The following DNAJC5 variants were observed in gnomAD, a reference collection of about 807,000 sequenced individuals.
The protein encoded by DNAJC5 is DnaJ heat shock protein family (Hsp40) member C5.
In DNAJC5, 1 loss-of-function variant was observed where a neutral mutation model predicts 23.2. That is an observed-to-expected ratio of 0.04 (90% CI 0.02 to 0.20). The LOEUF is 0.20. Ranked by LOEUF, DNAJC5 falls within the 10% of genes least tolerant of loss-of-function variation. The pLI is 1.00. For synonymous variants in DNAJC5, 136 were observed against 120.0 expected (o/e 1.13, Z -0.87); for missense variants, 180 against 267.0 (o/e 0.67, Z 2.27).
rs1349599424 is a variant in DNAJC5 at position 63,920,174 on chromosome 20, G to C, written c.-11-8161G>C. On this transcript the variant is annotated intron_variant, in intron 1 of 4. Transcript: ENST00000360864. The surrounding 1 kb of genome is among the most constrained non-coding windows in gnomAD (Gnocchi z 4.6). ...GCCACGGAAGAGGACGCACCCGGCT[G>C]TGTGGCAGGGGAGGTTCCCAAGAGC... Among the ~76,000 whole-genome samples the C allele has an allele frequency of 6.6e-6, 1 of 152,244 alleles. No individual in the cohort carries two copies. The highest frequency in any genetic ancestry group is 1.5e-5 in the Non-Finnish European group (1 of 68,038).
At position 63,933,470 on chromosome 20, in the gene DNAJC5, A is replaced by G. The variant is rs2053691540; in HGVS notation, c.*1902A>G. 6.6e-6 allele frequency: 1 copy of G among 152,348 alleles called. No individual in the cohort carries two copies. The highest frequency in any genetic ancestry group is 2.4e-5 in the African/African-American group (1 of 41,452). 9.4% of individuals were successfully genotyped at this position (152,348 alleles called of 1,614,324 possible). A position where few individuals can be genotyped will look rare whatever the true frequency, so the allele number is the denominator to read the frequency against. ...CTTTTCTTTGTTTCTTCTCACTAAAATGATCACGAAGACCTTTGACAAGAG... is the reference window on the plus strand; with the variant it reads ...CTTTTCTTTGTTTCTTCTCACTAAAGTGATCACGAAGACCTTTGACAAGAG... On this transcript the variant is annotated 3_prime_UTR_variant, in exon 5 of 5. Coordinates refer to ENST00000360864, the MANE Select transcript of DNAJC5 (RefSeq NM_025219.3).
intron 1 of DNAJC5, among the ~76,000 whole-genome samples, chr20:63,907,174 T>C (rs2053453446): frequency 6.6e-6 from 1 of 152,074 alleles, no homozygotes; most frequent in Non-Finnish European, 1.5e-5. Context: ...AATAAGTTAT[T>C]TGTGATCAGG....
At chr20:63,910,460 G>C (rs2053475314) in intron 1 of DNAJC5, among the ~76,000 whole-genome samples, 2 of 151,372 alleles carry the variant, frequency 1.3e-5, no homozygotes. Context: ...GGAGAATGGC[G>C]TGAACCTGGG....
chr20:63,912,120 T>C (rs2053486172), intron 1 of DNAJC5, among the ~76,000 whole-genome samples: 2 of 152,076 alleles, frequency 1.3e-5, no homozygotes, highest in Non-Finnish European at 2.9e-5. Context: ...CTGGCCAATA[T>C]AGCAAAACCT....
intron 1 of DNAJC5, among the ~76,000 whole-genome samples, chr20:63,902,216 G>T (rs1265860649): frequency 6.7e-6 from 1 of 149,896 alleles, no homozygotes; most frequent in African/African-American, 2.5e-5. Flanking sequence ...CACCACGCCC[G>T]GCTAATTTTT....
intron 1 of DNAJC5, among the ~76,000 whole-genome samples, chr20:63,902,775 A>G (rs371338784): frequency 1.4e-5 from 2 of 147,784 alleles, no homozygotes; most frequent in Admixed American, 6.9e-5. Flanking sequence ...ACCTGGGTTC[A>G]TGCCATTCTC....
At position 63,920,308 on chromosome 20, in the gene DNAJC5, C is replaced by G. The variant is rs575967628; in HGVS notation, c.-11-8027C>G. Among the ~76,000 whole-genome samples the G allele has an allele frequency of 1.3e-5, 2 of 152,366 alleles. No homozygotes were observed. Among genetic ancestry groups the G allele is most frequent in the Non-Finnish European group, 2.9e-5 (2 of 68,034 alleles). ...AGGGGCTGACGTGGGACCCGGCACT[C>G]TGTGCTCTGTGTCTGCCCGGGAACA... On this transcript the variant is annotated intron_variant, in intron 1 of 4. Transcript: ENST00000360864. This position sits in a 1 kb window ranked among gnomAD's most constrained non-coding sequence, Gnocchi z 4.6.
chr20:63,911,330 C>T (rs2053481619), intron 1 of DNAJC5, among the ~76,000 whole-genome samples: 1 of 152,202 alleles, frequency 6.6e-6, no homozygotes, highest in South Asian at 2.1e-4. Context: ...GGTGTGGCCG[C>T]TGGTCTTGTT....
chr20:63,934,684 T>A lies in DNAJC5; in HGVS notation c.*3116T>A, dbSNP rs886056949. The A allele has an allele frequency of 1.3e-4, 20 of 152,288 alleles. 1 individual carries two copies. Among genetic ancestry groups the A allele is most frequent in the Non-Finnish European group, 1.0e-4 (7 of 68,052 alleles). The allele number at this position is 152,288 out of a possible 1,614,324, so 9.4% of individuals were successfully genotyped here. ...GCTCAGTGTTTGTGAACTTTCCTAG[T>A]TCTCTATGTTGTTAGTGCAGCCAGC... On this transcript the variant is annotated 3_prime_UTR_variant, in exon 5 of 5. Coordinates refer to ENST00000360864, the MANE Select transcript of DNAJC5 (RefSeq NM_025219.3).
Position 63,928,529 on chromosome 20 carries a change from A to G in DNAJC5, c.107+77A>G, listed in dbSNP as rs771963134. 60 of 1,234,866 alleles carry G rather than the reference A, an allele frequency of 4.9e-5. No homozygotes were observed. Among genetic ancestry groups the G allele is most frequent in the Non-Finnish European group, 7.0e-5 (59 of 839,832 alleles). 76.5% of individuals were successfully genotyped at this position (1,234,866 alleles called of 1,614,324 possible). A position where few individuals can be genotyped will look rare whatever the true frequency, so the allele number is the denominator to read the frequency against. On this transcript the variant is annotated intron_variant, in intron 2 of 4. Transcript: ENST00000360864. This position sits in a 1 kb window ranked among gnomAD's most constrained non-coding sequence, Gnocchi z 4.6. ...CGTGTGGTTTAGTCTGCATTTTACC[A>G]AGAACCATTGCACATACTTTATCCT...
At chr20:63,918,808 A>G (rs2053537033) in intron 1 of DNAJC5, among the ~76,000 whole-genome samples, 1 of 152,124 alleles carries the variant, frequency 6.6e-6, no homozygotes, top group Admixed American at 6.6e-5. Context: ...GTTAGCCAGG[A>G]TGGTCTCGAT....
intron 1 of DNAJC5, among the ~76,000 whole-genome samples, chr20:63,916,975 G>A (rs922096332): frequency 2.0e-5 from 3 of 152,160 alleles, no homozygotes; most frequent in Admixed American, 1.3e-4. Context: ...CTTTTTCAAG[G>A]TGTACTGATT....
intron 1 of DNAJC5, among the ~76,000 whole-genome samples, chr20:63,911,953 C>T (rs2053485335): frequency 6.6e-6 from 1 of 152,156 alleles, no homozygotes; most frequent in South Asian, 2.1e-4. Context: ...GTTGGGATTA[C>T]AGGCATGAAC....
In DNAJC5 at chr20:63,932,813, G is replaced by C. The variant is rs956086588; in HGVS notation, c.*1245G>C. ...GGGTCCCTGGGAGGCCGGCAGCCAG[G>C]CCACGGAATCCACACGTGGACCATT... is the stretch of plus-strand genomic sequence containing the variant. On this transcript the variant is annotated 3_prime_UTR_variant, in exon 5 of 5. Transcript: ENST00000360864. The surrounding 1 kb of genome is among the most constrained non-coding windows in gnomAD (Gnocchi z 4.4). 3 of 151,318 alleles carry C rather than the reference G, an allele frequency of 2.0e-5. No individual in the cohort carries two copies. The highest frequency in any genetic ancestry group is 6.6e-5 in the Admixed American group (1 of 15,238). 9.4% of individuals were successfully genotyped at this position (151,318 alleles called of 1,614,324 possible).
At chr20:63,902,967 G>A (rs2053424429) in intron 1 of DNAJC5, among the ~76,000 whole-genome samples, 1 of 152,000 alleles carries the variant, frequency 6.6e-6, no homozygotes, top group African/African-American at 2.4e-5. Flanking sequence ...GTGAGCCACC[G>A]CGCCCTGCCA....
intron 1 of DNAJC5, among the ~76,000 whole-genome samples, chr20:63,926,075 G>A (rs931584710): frequency 1.1e-4 from 17 of 152,088 alleles, no homozygotes; most frequent in African/African-American, 3.6e-4. Flanking sequence ...TGATCTGCCC[G>A]CCTTGGCCTC....
rs748257111 is a variant in DNAJC5, at chr20:63,920,279, C to G, written c.-11-8056C>G. On this transcript the variant is annotated intron_variant, in intron 1 of 4. Transcript: ENST00000360864. This position sits in a 1 kb window ranked among gnomAD's most constrained non-coding sequence, Gnocchi z 4.6. The stretch of plus-strand genomic sequence containing the variant: ...CAGGGTGTTGAAGAGACGGCAGGTG[C>G]GTCAGGGGCTGACGTGGGACCCGGC... Among the ~76,000 whole-genome samples, 2 of 152,234 alleles carry G rather than the reference C, an allele frequency of 1.3e-5. No individual in the cohort carries two copies. Among genetic ancestry groups the G allele is most frequent in the Non-Finnish European group, 2.9e-5 (2 of 68,036 alleles).
chr20:63,935,093 TCTC>T lies in DNAJC5; in HGVS notation c.*3528_*3530del, dbSNP rs1390462598. ...GTCTGTTATTTTGGTTGTAAATCAT[TCTC>T]CTGTGGAATTGGCAAAAGCTACATT... On this transcript the variant is annotated 3_prime_UTR_variant, in exon 5 of 5. Transcript: ENST00000360864. 1 of 152,202 alleles carries T rather than the reference TCTC, an allele frequency of 6.6e-6. No individual in the cohort carries two copies. The highest frequency in any genetic ancestry group is 6.5e-5 in the Admixed American group (1 of 15,280). 9.4% of individuals were successfully genotyped at this position (152,202 alleles called of 1,614,324 possible).
chr20:63,922,678 G>A (rs972665215), intron 1 of DNAJC5, among the ~76,000 whole-genome samples: 2 of 152,080 alleles, frequency 1.3e-5, no homozygotes, highest in African/African-American at 2.4e-5. Context: ...GCTGTGTTGG[G>A]AGGATCACTT....
Sources: allele counts gnomAD v4.1 joint callset (sites outside exome capture counted in the v4.1 genomes callset), GRCh38; gene constraint gnomAD v4.1.1; non-coding constraint Gnocchi (gnomAD v3.1); transcripts MANE v1.5; gene names NCBI Gene and HGNC (gene_info 2026-07-23, HGNC 2026-07-21).